TBC1D7: variants seen among roughly 807,000 people sequenced by gnomAD.
TBC1D7 encodes the protein TBC1 domain family member 7.
Under a neutral mutation model 35.3 loss-of-function variants are expected in TBC1D7, and 33 were observed. That is an observed-to-expected ratio of 0.93 (90% CI 0.71 to 1.25). TBC1D7 has a LOEUF of 1.25. Ranked by LOEUF, TBC1D7 falls within the 50% of genes most tolerant of loss-of-function variation. The pLI, the probability that TBC1D7 is intolerant of heterozygous loss-of-function variation, is 0.00. For missense variants in TBC1D7, 362 were observed against 365.3 expected, an observed-to-expected ratio of 0.99 and a Z score of 0.07; for synonymous variants, 135 against 129.5, an observed-to-expected ratio of 1.04 and a Z score of -0.29.
chr6:13,326,757 C>A, intron 2 of TBC1D7, 30 bp downstream of exon 2: 2 of 1,394,146 alleles, frequency 1.4e-6, no homozygotes, highest in Non-Finnish European at 2.0e-6. Context: ...TGATTGAGAA[C>A]CAATGAGATT....
At chr6:13,311,965 T>TTA (rs1335558043) in intron 5 of TBC1D7, among the ~76,000 whole-genome samples, 17 of 150,806 alleles carry the variant, frequency 1.1e-4, no homozygotes, top group African/African-American at 2.2e-4. Context: ...AAAAATGTAT[T>TTA]TATATATATA....
At chr6:13,312,973 T>C (rs958554926) in intron 5 of TBC1D7, among the ~76,000 whole-genome samples, 2 of 152,136 alleles carry the variant, frequency 1.3e-5, no homozygotes, top group African/African-American at 4.8e-5. Context: ...AATGGATAGT[T>C]GTGTCTGTAT....
At chr6:13,320,294 A>G (rs78078192) in intron 4 of TBC1D7, 3,322 of 157,718 alleles carry the variant, frequency 0.021, 79 homozygotes, top group East Asian at 0.11. Context: ...TGAAATTCAA[A>G]TGGAGCTGGT....
intron 5 of TBC1D7, among the ~76,000 whole-genome samples, chr6:13,315,401 T>C (rs1209391017): frequency 6.6e-6 from 1 of 152,228 alleles, no homozygotes; most frequent in Non-Finnish European, 1.5e-5. Flanking sequence ...ATTACAGGAA[T>C]ATACTGAATA....
At position 13,312,262 on chromosome 6, in the gene TBC1D7, A is replaced by C. The variant is rs1783273045; in HGVS notation, c.519+4309T>G. ...CGGGGAGAAGAGGAACAGGAGGAGGAGTGATGTGTTGGTAGAAGTAGTGGT... is the reference window on the plus strand; with the variant it reads ...CGGGGAGAAGAGGAACAGGAGGAGGCGTGATGTGTTGGTAGAAGTAGTGGT... On this transcript the variant is annotated intron_variant, in intron 5 of 7. Transcript: ENST00000379300. Among the ~76,000 whole-genome samples, 4 of 152,192 alleles carry C rather than the reference A, an allele frequency of 2.6e-5. No homozygotes were observed. The South Asian group carries it at 8.3e-4, about 31-fold the overall frequency.
At chr6:13,322,511 C>T (rs1375455605) in intron 3 of TBC1D7, among the ~76,000 whole-genome samples, 2 of 152,106 alleles carry the variant, frequency 1.3e-5, no homozygotes, top group African/African-American at 4.8e-5. Context: ...AATCAACACA[C>T]ACAAAGCATT....
intron 5 of TBC1D7, 113 bp from the exon 6 acceptor site, chr6:13,307,858 A>G: frequency 8.8e-7 from 1 of 1,140,650 alleles, no homozygotes; most frequent in Non-Finnish European, 1.2e-6. Flanking sequence ...GTATTAGAAA[A>G]CAAAACTTCA....
At chr6:13,322,925 T>A (rs1463647191) in intron 3 of TBC1D7, among the ~76,000 whole-genome samples, 2 of 152,192 alleles carry the variant, frequency 1.3e-5, no homozygotes, top group Non-Finnish European at 1.5e-5. Context: ...TAAAATAGTA[T>A]CAGGAAGTAG....
intron 5 of TBC1D7, among the ~76,000 whole-genome samples, chr6:13,310,637 C>CAAAAAAAAAAAAAAAAAAAA (rs546122443): frequency 8.2e-4 from 60 of 72,878 alleles, no homozygotes; most frequent in African/African-American, 1.4e-3. Flanking sequence ...GACTCCGTCT[C>CAAAAAAAAAAAAAAAAAAAA]AAAAAAAAAA....
chr6:13,307,966 C>A (rs1185203828), intron 5 of TBC1D7, among the ~76,000 whole-genome samples: 1 of 152,166 alleles, frequency 6.6e-6, no homozygotes, highest in East Asian at 1.9e-4. Flanking sequence ...GGACACAGGG[C>A]TCTTTCAGTG....
Position 13,305,115 on chromosome 6 carries a change from C to T in TBC1D7, c.868G>A (p.Val290Ile). 1 of 1,612,762 alleles carries T rather than the reference C, an allele frequency of 6.2e-7. No homozygotes were observed. The highest frequency in any genetic ancestry group is 8.5e-7 in the Non-Finnish European group (1 of 1,179,322). Residue 290 changes from valine (V) to isoleucine (I), a missense_variant, in exon 8 of 8, where the codon GTC becomes ATC. Coordinates refer to ENST00000379300, the MANE Select transcript of TBC1D7 (RefSeq NM_016495.6). ...AGCGGGTGCGTTCAGCTTGAATGGA[C>T]CGGGGTCCCACAGTGTTTGTGCCAC... ...DLWHKHCGTP[V>I]HSS
intron 2 of TBC1D7, 143 bp downstream of exon 2, chr6:13,326,644 T>C (rs185998458): frequency 1.2e-3 from 563 of 471,924 alleles, no homozygotes; most frequent in Non-Finnish European, 1.7e-3. Context: ...AAATCTTTTC[T>C]CAAAATACAC....
At chr6:13,307,769 A>T in intron 5 of TBC1D7, 24 bp from the exon 6 acceptor site, 1 of 1,603,866 alleles carries the variant, frequency 6.2e-7, no homozygotes, top group Non-Finnish European at 8.5e-7. Context: ...AAGAACAGAG[A>T]TTATTCATTT....
chr6:13,307,647 C>G lies in TBC1D7; in HGVS notation c.618G>C (p.Trp206Cys). ...SAAPKLPYDLWFKRCFAGCLP... is the reference protein window; with the variant it reads ...SAAPKLPYDLCFKRCFAGCLP... ...AACATCCCGCAAAGCACCTCTTGAA[C>G]CAGAGATCATAAGGAAGTTTGGGCG... The change falls in exon 6 of 8, where the codon TGG becomes TGC. Residue 206 changes from tryptophan (W) to cysteine (C), a missense_variant. Coordinates refer to ENST00000379300, the MANE Select transcript of TBC1D7 (RefSeq NM_016495.6). The G allele has an allele frequency of 6.2e-7, 1 of 1,614,136 alleles. No individual in the cohort carries two copies.
rs562678457 is a variant in TBC1D7 at position 13,320,992 on chromosome 6, A to G, written c.297T>C (p.Ser99=). The G allele has an allele frequency of 1.9e-6, 3 of 1,614,220 alleles. No homozygotes were observed. Among genetic ancestry groups the G allele is most frequent in the Middle Eastern group, 1.6e-4 (1 of 6,062 alleles). The change falls in exon 4 of 8, where the codon AGT becomes AGC. Residue 99 remains serine, a synonymous_variant. Coordinates refer to ENST00000379300, the MANE Select transcript of TBC1D7 (RefSeq NM_016495.6). ...AGACTTCAGCCTGAGGTGTGGCATC[A>G]CTAACAAAGCGAACGACTTTCAGGG... is the stretch of plus-strand genomic sequence containing the variant. ...LHALKVVRFV[S]DATPQAEVYL... is the part of the protein sequence containing the mutation.
chr6:13,321,182 A>G (rs1473698563), intron 3 of TBC1D7, 87 bp from the exon 4 acceptor site: 3 of 1,128,172 alleles, frequency 2.7e-6, no homozygotes, highest in Non-Finnish European at 3.8e-6. Context: ...TGCCGTGAGA[A>G]GCGACCCACA....
chr6:13,316,204 A>C (rs1210823968), intron 5 of TBC1D7, among the ~76,000 whole-genome samples: 3 of 152,108 alleles, frequency 2.0e-5, no homozygotes, highest in African/African-American at 7.2e-5. Flanking sequence ...CCAAATGAAA[A>C]CCTTAACTTA....
At chr6:13,310,200 G>A (rs544594560) in intron 5 of TBC1D7, among the ~76,000 whole-genome samples, 13 of 152,192 alleles carry the variant, frequency 8.5e-5, no homozygotes, top group Admixed American at 2.0e-4. Context: ...GCAAACACAT[G>A]AGAAGCTGCA....
chr6:13,315,337 A>G (rs1047643909), intron 5 of TBC1D7, among the ~76,000 whole-genome samples: 4 of 152,222 alleles, frequency 2.6e-5, no homozygotes, highest in Admixed American at 1.3e-4. Context: ...AATAGAAAAC[A>G]TATTTAATTT....
Sources: allele counts gnomAD v4.1 joint callset (sites outside exome capture counted in the v4.1 genomes callset), GRCh38; gene constraint gnomAD v4.1.1; transcripts MANE v1.5; gene names NCBI Gene and HGNC (gene_info 2026-07-23, HGNC 2026-07-21).